Variants in TMEM132D observed in about 807,000 individuals in gnomAD.
TMEM132D encodes transmembrane protein 132D, also known as mature OL transmembrane protein.
In TMEM132D, 21 loss-of-function variants were observed where a neutral mutation model predicts 62.3. The ratio of observed to expected loss-of-function variants is 0.34; its 90% CI spans 0.24 to 0.49. TMEM132D has a LOEUF of 0.49. Ranked by LOEUF, TMEM132D falls within the 20% of genes least tolerant of loss-of-function variation. The pLI is 0.99. For synonymous variants in TMEM132D, 621 were observed against 575.6 expected (o/e 1.08, Z -1.13); for missense variants, 1,346 against 1,402.8 (o/e 0.96, Z 0.65).
intron 1 of TMEM132D, among the ~76,000 whole-genome samples, chr12:129,863,239 C>T (rs1451654724): frequency 6.6e-6 from 1 of 152,238 alleles, no homozygotes; most frequent in African/African-American, 2.4e-5. Context: ...GATTTGTGGA[C>T]AGTGCTAAGG....
chr12:129,673,691 C>T (rs192246733), intron 2 of TMEM132D, among the ~76,000 whole-genome samples: 1 of 152,304 alleles, frequency 6.6e-6, no homozygotes, highest in East Asian at 1.9e-4. Flanking sequence ...ATTTCTGGGT[C>T]TGCACCTGCA....
chr12:129,094,386 C>G (rs971104299), intron 5 of TMEM132D, among the ~76,000 whole-genome samples: 1 of 152,210 alleles, frequency 6.6e-6, no homozygotes, highest in Non-Finnish European at 1.5e-5. Flanking sequence ...TGAACAGACA[C>G]TTCTCAGAAG....
chr12:129,714,503 A>G (rs1868491226), intron 1 of TMEM132D, among the ~76,000 whole-genome samples: 1 of 152,116 alleles, frequency 6.6e-6, no homozygotes, highest in African/African-American at 2.4e-5. Context: ...AAACAGTACA[A>G]GCTTCCAGCC....
intron 4 of TMEM132D, chr12:129,211,868 C>T (rs143936230): frequency 1.3e-5 from 2 of 152,306 alleles, no homozygotes; most frequent in Non-Finnish European, 2.9e-5. Flanking sequence ...GTATATGATG[C>T]TATTTCCTGC....
intron 4 of TMEM132D, among the ~76,000 whole-genome samples, chr12:129,243,316 T>G (rs1203447504): frequency 6.6e-6 from 1 of 152,242 alleles, no homozygotes; most frequent in Non-Finnish European, 1.5e-5. Context: ...ATTTTTAAGT[T>G]TGTATCCATG....
At chr12:129,735,465 A>G (rs966761289) in intron 1 of TMEM132D, among the ~76,000 whole-genome samples, 1 of 152,232 alleles carries the variant, frequency 6.6e-6, no homozygotes, top group African/African-American at 2.4e-5. Context: ...TTTTCAATAC[A>G]CATATATGTA....
intron 3 of TMEM132D, among the ~76,000 whole-genome samples, chr12:129,515,004 C>T (rs1486796143): frequency 6.6e-6 from 1 of 152,194 alleles, no homozygotes; most frequent in African/African-American, 2.4e-5. Context: ...TCAAAGCCTG[C>T]TAGCATAAAC....
At chr12:129,470,198 G>A (rs1874053201) in intron 3 of TMEM132D, among the ~76,000 whole-genome samples, 1 of 152,174 alleles carries the variant, frequency 6.6e-6, no homozygotes, top group Non-Finnish European at 1.5e-5. Flanking sequence ...TTTGTTTTGG[G>A]AGAACAGTCA....
At chr12:129,316,677 T>G (rs1390178691) in intron 4 of TMEM132D, among the ~76,000 whole-genome samples, 1 of 152,168 alleles carries the variant, frequency 6.6e-6, no homozygotes, top group Non-Finnish European at 1.5e-5. Context: ...TTCCAAGGTA[T>G]AGTTTAAATC....
intron 2 of TMEM132D, among the ~76,000 whole-genome samples, chr12:129,595,609 T>C (rs879349895): frequency 1.3e-5 from 2 of 152,258 alleles, no homozygotes; most frequent in African/African-American, 2.4e-5. Flanking sequence ...CAGGCATGAC[T>C]CTAAGCTGGT....
intron 3 of TMEM132D, among the ~76,000 whole-genome samples, chr12:129,454,761 C>T (rs983263337): frequency 2.0e-5 from 3 of 152,134 alleles, no homozygotes; most frequent in African/African-American, 7.2e-5. Flanking sequence ...ACTTTCTGTC[C>T]GTGTCTCTGC....
chr12:129,697,673 C>A (rs1399669882), intron 2 of TMEM132D, among the ~76,000 whole-genome samples: 1 of 152,160 alleles, frequency 6.6e-6, no homozygotes, highest in Non-Finnish European at 1.5e-5. Flanking sequence ...CAAACTTTGA[C>A]CTGTGAGTGG....
At chr12:129,515,478 T>C (rs1394381063) in intron 3 of TMEM132D, among the ~76,000 whole-genome samples, 1 of 152,186 alleles carries the variant, frequency 6.6e-6, no homozygotes, top group Non-Finnish European at 1.5e-5. Flanking sequence ...TTACTGAATG[T>C]GGTCATGATC....
chr12:129,171,764 C>A (rs1302081255), intron 5 of TMEM132D, among the ~76,000 whole-genome samples: 1 of 152,162 alleles, frequency 6.6e-6, no homozygotes, highest in Non-Finnish European at 1.5e-5. Context: ...TAGATCTCAA[C>A]AGGTAGGCTT....
At chr12:129,087,139 C>CT (rs1239098410) in intron 5 of TMEM132D, among the ~76,000 whole-genome samples, 7 of 152,118 alleles carry the variant, frequency 4.6e-5, no homozygotes, top group Non-Finnish European at 8.8e-5. Flanking sequence ...CTCCATGTCA[C>CT]CCACTTCCCA....
intron 2 of TMEM132D, among the ~76,000 whole-genome samples, chr12:129,659,136 T>G (rs1880171827): frequency 6.6e-6 from 1 of 152,128 alleles, no homozygotes; most frequent in East Asian, 1.9e-4. Flanking sequence ...GATCTTGAAC[T>G]TTAGCAGTCA....
At chr12:129,740,606 A>C (rs1593142905) in intron 1 of TMEM132D, among the ~76,000 whole-genome samples, 1 of 152,216 alleles carries the variant, frequency 6.6e-6, no homozygotes, top group African/African-American at 2.4e-5. Context: ...AAACCTAATC[A>C]TTGATGACTG....
intron 1 of TMEM132D, among the ~76,000 whole-genome samples, chr12:129,877,601 A>ATG (rs1413980780): frequency 2.9e-5 from 4 of 139,510 alleles, no homozygotes; most frequent in Non-Finnish European, 6.2e-5. Flanking sequence ...TATTAACCAA[A>ATG]CGCGCGCGCG....
rs1047293849 is a variant in TMEM132D at position 129,451,047 on chromosome 12, C to G, written c.1115+80012G>C. On this transcript the variant is annotated intron_variant, in intron 3 of 8. Transcript: ENST00000422113. ...AAAGTGCTGGGATTACAGGCGTGAG[C>G]CACCGCGCCCGGCCAATTTTCATCA... 3.3e-5 allele frequency among the ~76,000 whole-genome samples: 5 copies of G among 152,090 alleles called. No homozygotes were observed. In the South Asian group the frequency reaches 1.0e-3, roughly 31 times the overall value.
Sources: gnomAD v4.1 joint callset for allele counts (sites outside exome capture counted in the v4.1 genomes callset) on GRCh38, gnomAD v4.1.1 for gene constraint, MANE v1.5 for transcripts, NCBI Gene and HGNC (gene_info 2026-07-23, HGNC 2026-07-21) for gene names.